Variants in FGF14 observed in about 807,000 individuals in gnomAD.
The protein encoded by FGF14 is fibroblast growth factor homologous factor 4.
A neutral mutation model predicts 25.5 loss-of-function variants in FGF14; 5 were observed. That is an observed-to-expected ratio of 0.20 (90% confidence interval 0.10 to 0.41). The LOEUF (loss-of-function observed/expected upper bound fraction) is 0.41. Ranked by LOEUF, FGF14 falls within the 10% of genes least tolerant of loss-of-function variation. FGF14 has a pLI of 1.00. For synonymous variants in FGF14, 138 were observed against 118.3 expected (o/e 1.17, Z -1.08); for missense variants, 222 against 320.1 (o/e 0.69, Z 2.34).
intron 3 of FGF14, among the ~76,000 whole-genome samples, chr13:101,792,470 ACT>A (rs1476602910): frequency 2.0e-5 from 3 of 152,096 alleles, no homozygotes; most frequent in Non-Finnish European, 4.4e-5. Flanking sequence ...AAAAATGAAA[ACT>A]CTGAACAACA....
intron 1 of FGF14, among the ~76,000 whole-genome samples, chr13:102,380,438 T>G (rs1289184071): frequency 6.6e-6 from 1 of 152,154 alleles, no homozygotes; most frequent in Non-Finnish European, 1.5e-5. Context: ...TCTAGTTAAC[T>G]CCCAGTTTCA....
At chr13:102,355,033 C>G (rs2057383442) in intron 1 of FGF14, among the ~76,000 whole-genome samples, 1 of 152,148 alleles carries the variant, frequency 6.6e-6, no homozygotes, top group Non-Finnish European at 1.5e-5. Context: ...TGTCATGGAA[C>G]TATTTGCCTT....
rs139002394 is a variant in FGF14, at chr13:102,336,717, G to A, written c.208+64754C>T. ...GCTTCAAAGCTTCAAACTCAGCCAA[G>A]AGGGGCTGACTCTGTTGTTAGGGAC... On this transcript the variant is annotated intron_variant, in intron 1 of 4. Transcript: ENST00000376131. Among the ~76,000 whole-genome samples the A allele has an allele frequency of 1.2e-4, 19 of 152,316 alleles. No individual in the cohort carries two copies. The East Asian group carries it at 3.3e-3, about 26-fold the overall frequency.
intron 4 of FGF14, among the ~76,000 whole-genome samples, chr13:101,724,365 T>TCTCA (rs925012016): frequency 1.3e-5 from 2 of 150,672 alleles, no homozygotes; most frequent in African/African-American, 4.9e-5. Context: ...CACCACATGT[T>TCTCA]CTCACTCATA....
intron 1 of FGF14, among the ~76,000 whole-genome samples, chr13:101,994,966 T>C (rs2039103175): frequency 6.6e-6 from 1 of 152,104 alleles, no homozygotes; most frequent in Admixed American, 6.6e-5. Context: ...AATTATGCAA[T>C]ACATTATTTG....
At chr13:102,268,655 G>T (rs1399537843) in intron 1 of FGF14, among the ~76,000 whole-genome samples, 2 of 151,916 alleles carry the variant, frequency 1.3e-5, no homozygotes, top group Admixed American at 1.3e-4. Flanking sequence ...TATGATGATG[G>T]TGTTTTTATA....
At chr13:102,229,659 G>T (rs909506688) in intron 1 of FGF14, among the ~76,000 whole-genome samples, 1 of 152,152 alleles carries the variant, frequency 6.6e-6, no homozygotes, top group African/African-American at 2.4e-5. Flanking sequence ...TCCTCTTGTG[G>T]ATTCTCCTTC....
intron 1 of FGF14, among the ~76,000 whole-genome samples, chr13:102,125,573 C>A (rs2045917598): frequency 6.6e-6 from 1 of 152,100 alleles, no homozygotes; most frequent in Non-Finnish European, 1.5e-5. Context: ...CTGGATACTA[C>A]CTATTCTTCT....
At chr13:101,918,270 C>T (rs2033726965), upstream of FGF14, among the ~76,000 whole-genome samples, 1 of 152,200 alleles carries the variant, frequency 6.6e-6, no homozygotes, top group Admixed American at 6.5e-5. Context: ...TCCGTGGTTT[C>T]TAGGATACAC....
chr13:102,001,695 A>C (rs1490489845), intron 1 of FGF14, among the ~76,000 whole-genome samples: 4 of 152,234 alleles, frequency 2.6e-5, no homozygotes, highest in Non-Finnish European at 4.4e-5. Context: ...AGTGATGTCC[A>C]CTTAAAATGA....
chr13:102,397,550 A>G (rs546910954), intron 1 of FGF14, among the ~76,000 whole-genome samples: 1 of 152,322 alleles, frequency 6.6e-6, no homozygotes, highest in Admixed American at 6.5e-5. Flanking sequence ...TTATCTTAAA[A>G]TCTGTGTTTT....
intron 3 of FGF14, among the ~76,000 whole-genome samples, chr13:101,767,361 C>A (rs1166839070): frequency 6.6e-6 from 1 of 152,100 alleles, no homozygotes. Context: ...CGAGATCATT[C>A]TTTTTTTAAA....
At chr13:101,985,267 G>GT (rs1322635465) in intron 1 of FGF14, among the ~76,000 whole-genome samples, 2 of 151,916 alleles carry the variant, frequency 1.3e-5, no homozygotes, top group African/African-American at 4.8e-5. Flanking sequence ...TTCTAAGTTA[G>GT]TTTAATTAAA....
chr13:102,376,239 A>G (rs1566972093), intron 1 of FGF14, among the ~76,000 whole-genome samples: 2 of 152,088 alleles, frequency 1.3e-5, no homozygotes, highest in South Asian at 4.1e-4. Flanking sequence ...CTGACGGTTT[A>G]TACATGGCAG....
chr13:101,883,411 G>A (rs1314024750), intron 1 of FGF14, among the ~76,000 whole-genome samples: 1 of 152,170 alleles, frequency 6.6e-6, no homozygotes, highest in East Asian at 1.9e-4. Context: ...GTTTAAGCAT[G>A]TTTTCAAATG....
intron 3 of FGF14, among the ~76,000 whole-genome samples, chr13:101,822,621 T>C (rs192778208): frequency 8.0e-4 from 122 of 152,256 alleles, no homozygotes; most frequent in African/African-American, 2.9e-3. Context: ...TTTGTACATA[T>C]TTATGGAGTA....
intron 1 of FGF14, among the ~76,000 whole-genome samples, chr13:102,060,565 T>C (rs567896192): frequency 1.3e-5 from 2 of 152,320 alleles, no homozygotes; most frequent in East Asian, 3.9e-4. Context: ...TTTTACACAG[T>C]TATATCACTG....
Position 101,755,336 on chromosome 13 carries a change from C to T in FGF14, c.409-28526G>A, listed in dbSNP as rs190909449. Among the ~76,000 whole-genome samples the T allele has an allele frequency of 2.6e-5, 4 of 152,102 alleles. No individual in the cohort carries two copies. The East Asian group carries it at 5.8e-4, about 22-fold the overall frequency. On this transcript the variant is annotated intron_variant, in intron 3 of 4. Transcript: ENST00000376143. ...TCTGTCAATTGCCTCTTAAACTTTA[C>T]GTTACACATGAAGAACCAGAGGCGA...
intron 3 of FGF14, among the ~76,000 whole-genome samples, chr13:101,788,899 TATATATATATAGAGAGAGAGAG>T (rs1383019504): frequency 1.1e-4 from 5 of 47,376 alleles, no homozygotes; most frequent in African/African-American, 3.3e-4. Context: ...TATATATATA[TATATATATATAGAGAGAGAGAG>T]AGAGAGAGAG....
Sources: gnomAD v4.1 joint callset for allele counts (sites outside exome capture counted in the v4.1 genomes callset) on GRCh38, gnomAD v4.1.1 for gene constraint, MANE v1.5 for transcripts, NCBI Gene and HGNC (gene_info 2026-07-23, HGNC 2026-07-21) for gene names.